The following ARID3A variants were observed in gnomAD, a reference collection of about 807,000 sequenced individuals.
ARID3A encodes AT-rich interactive domain-containing protein 3A.
In ARID3A, 11 loss-of-function variants were observed where a neutral mutation model predicts 52.7. The ratio of observed to expected loss-of-function variants is 0.21; its 90% confidence interval spans 0.13 to 0.35. ARID3A has a LOEUF of 0.35. Among genes scored for constraint, ARID3A ranks in the 10% least tolerant of loss-of-function variants. The probability of loss-of-function intolerance (pLI) is 1.00; values close to 1 mark genes in which losing one functional copy is unlikely to be tolerated. For synonymous variants in ARID3A, 404 were observed against 359.4 expected (o/e 1.12, Z -1.40); for missense variants, 721 against 838.5 (o/e 0.86, Z 1.73).
chr19:964,577 G>T lies in ARID3A; in HGVS notation c.950+146G>T. The T allele has an allele frequency of 2.4e-6, 3 of 1,252,210 alleles. No individual in the cohort carries two copies. The highest frequency in any genetic ancestry group is 3.1e-5 in the South Asian group (2 of 64,820). 77.6% of individuals were successfully genotyped at this position (1,252,210 alleles called of 1,614,324 possible). ...CAAAGGGCACAGGGCCACACCGTGC[G>T]TCCAGGGCCCGAGAGCGTCAAGTAG... On this transcript the variant is annotated intron_variant, in intron 5 of 8. Coordinates refer to ENST00000263620, the MANE Select transcript of ARID3A (RefSeq NM_005224.3). The surrounding 1 kb of genome is among the most constrained non-coding windows in gnomAD (Gnocchi z 5.7).
At chr19:931,997 T>C (rs1032484488) in intron 2 of ARID3A, among the ~76,000 whole-genome samples, 2 of 151,212 alleles carry the variant, frequency 1.3e-5, no homozygotes, top group Non-Finnish European at 2.9e-5. Context: ...GCCGTAATGA[T>C]TCCCTTTTTT....
At position 934,251 on chromosome 19, in the gene ARID3A, G is replaced by A. The variant is rs533899733; in HGVS notation, c.693+1509G>A. On this transcript the variant is annotated intron_variant, in intron 3 of 8. Coordinates refer to ENST00000263620, the MANE Select transcript of ARID3A (RefSeq NM_005224.3). ...AGTCGGTCCTTCGGGGGTCAGAGGT[G>A]AATGGGACCCCCTGACCCTGGACAC... 2.6e-5 allele frequency among the ~76,000 whole-genome samples: 4 copies of A among 152,246 alleles called. No individual in the cohort carries two copies. In the South Asian group the frequency reaches 8.3e-4, roughly 32 times the overall value.
rs184604840 is a variant in ARID3A, at chr19:947,007, C to T, written c.694-13085C>T. Among the ~76,000 whole-genome samples, 702 of 150,152 alleles carry T rather than the reference C, an allele frequency of 4.7e-3. 1 individual carries two copies. The highest frequency in any genetic ancestry group is 7.4e-3 in the Admixed American group (112 of 15,060). On this transcript the variant is annotated intron_variant, in intron 3 of 8. Transcript: ENST00000263620. This position sits in a 1 kb window ranked among gnomAD's most constrained non-coding sequence, Gnocchi z 6.3. The stretch of plus-strand genomic sequence containing the variant: ...ACAGGGTTTTGTCATATTGCCCAGG[C>T]GGGTCTCAAACTCCTGGGCTCGAGC...
intron 3 of ARID3A, among the ~76,000 whole-genome samples, chr19:948,511 C>T (rs1000707056): frequency 1.2e-4 from 18 of 152,164 alleles, no homozygotes; most frequent in South Asian, 4.1e-4. Context: ...AACTGAGGCC[C>T]GGAGAATGGG....
chr19:932,195 G>A (rs1003226947), intron 2 of ARID3A, among the ~76,000 whole-genome samples: 3 of 152,138 alleles, frequency 2.0e-5, no homozygotes, highest in Non-Finnish European at 4.4e-5. Context: ...CAAAATTCAC[G>A]CTGTAGGGAC....
chr19:941,043 G>A lies in ARID3A; in HGVS notation c.693+8301G>A, dbSNP rs2037539531. 1.3e-5 allele frequency among the ~76,000 whole-genome samples: 2 copies of A among 152,038 alleles called. No homozygotes were observed. Among genetic ancestry groups the A allele is most frequent in the South Asian group, 4.1e-4 (2 of 4,834 alleles). On this transcript the variant is annotated intron_variant, in intron 3 of 8. Coordinates refer to ENST00000263620, the MANE Select transcript of ARID3A (RefSeq NM_005224.3). The surrounding 1 kb of genome is among the most constrained non-coding windows in gnomAD (Gnocchi z 6.9). ...GCCACCGCCTGGCCGTCGGGTCACC[G>A]CCGCGGGGTCACCGCCGCCGCGGCC...
intron 8 of ARID3A, chr19:968,836 CT>C (rs1423969012): frequency 5.3e-6 from 1 of 189,810 alleles, no homozygotes; most frequent in African/African-American, 2.4e-5. Flanking sequence ...TTTTGTTGCT[CT>C]TTAAATTTTA....
chr19:929,484 GGT>G lies in ARID3A; in HGVS notation c.-43_-42del. The stretch of plus-strand genomic sequence containing the variant: ...CCCGCCGCCCACCCCTAGCGCCCGT[GGT>G]GGTGGTGGTGGTGGTGGTGGTGGTG... On this transcript the variant is annotated 5_prime_UTR_variant, in exon 2 of 9. Transcript: ENST00000263620. This position sits in a 1 kb window ranked among gnomAD's most constrained non-coding sequence, Gnocchi z 6.2. 5 of 1,079,738 alleles carry G rather than the reference GGT, an allele frequency of 4.6e-6. No individual in the cohort carries two copies. Among genetic ancestry groups the G allele is most frequent in the Non-Finnish European group, 6.0e-6 (5 of 829,162 alleles). The allele number at this position is 1,079,738 out of a possible 1,614,324, so 66.9% of individuals were successfully genotyped here. A position where few individuals can be genotyped will look rare whatever the true frequency, so the allele number is the denominator to read the frequency against.
At chr19:969,173 G>A (rs2038226237) in intron 8 of ARID3A, among the ~76,000 whole-genome samples, 1 of 151,946 alleles carries the variant, frequency 6.6e-6, no homozygotes, top group Non-Finnish European at 1.5e-5. Context: ...TATATTTATG[G>A]GTTTTATGAG....
At chr19:939,546 G>A (rs894073496) in intron 3 of ARID3A, among the ~76,000 whole-genome samples, 2 of 152,146 alleles carry the variant, frequency 1.3e-5, no homozygotes, top group Admixed American at 1.3e-4. Context: ...TGTTCTCCAG[G>A]CCTTTCTCTG....
intron 8 of ARID3A, chr19:968,754 C>T (rs773529270): frequency 1.6e-5 from 6 of 380,246 alleles, no homozygotes; most frequent in Non-Finnish European, 2.4e-5. Flanking sequence ...GGTTCACATT[C>T]CTAGTTTTTT....
intron 3 of ARID3A, among the ~76,000 whole-genome samples, chr19:934,906 C>T (rs1160400519): frequency 1.3e-5 from 2 of 152,230 alleles, no homozygotes; most frequent in Non-Finnish European, 2.9e-5. Context: ...CGGTGCCCAG[C>T]CAGTCCTGGG....
chr19:973,722 C>T lies in ARID3A; in HGVS notation c.*1657C>T. On this transcript the variant is annotated 3_prime_UTR_variant, in exon 9 of 9. Coordinates refer to ENST00000263620, the MANE Select transcript of ARID3A (RefSeq NM_005224.3). Reference sequence around the variant, plus strand: ...CTTTTGTGCTGGGGCTGCGAGCTCCCCGAGTTCTGCGGTGACTAAATCGAG... The same window carrying T: ...CTTTTGTGCTGGGGCTGCGAGCTCCTCGAGTTCTGCGGTGACTAAATCGAG... 4.4e-6 allele frequency: 1 copy of T among 227,802 alleles called. No individual in the cohort carries two copies. The allele number at this position is 227,802 out of a possible 1,614,324, so 14.1% of individuals were successfully genotyped here. A position where few individuals can be genotyped will look rare whatever the true frequency, so the allele number is the denominator to read the frequency against.
intron 3 of ARID3A, among the ~76,000 whole-genome samples, chr19:933,857 G>T (rs983932646): frequency 2.6e-5 from 3 of 114,716 alleles, no homozygotes; most frequent in East Asian, 2.1e-4. Context: ...GGGGGGGGGG[G>T]GCGTCTCGCT....
At chr19:934,058 ATTAAT>A (rs1366536607) in intron 3 of ARID3A, among the ~76,000 whole-genome samples, 1 of 152,166 alleles carries the variant, frequency 6.6e-6, no homozygotes, top group Non-Finnish European at 1.5e-5. Context: ...CTTTAATTTC[ATTAAT>A]TTAATTCACC....
intron 3 of ARID3A, chr19:958,205 A>C (rs912008133): frequency 6.6e-6 from 1 of 151,794 alleles, no homozygotes; most frequent in Admixed American, 6.6e-5. Context: ...AGACTGAGGC[A>C]GTCGGATCAC....
chr19:966,572 A>C lies in ARID3A; in HGVS notation c.1199A>C (p.Glu400Ala). The stretch of plus-strand genomic sequence containing the variant: ...CCAATTCCCCTTTTTTCCTACCTAG[A>C]GGAGGACTCAGCCATCCCCATCACA... ...SITPAPKIKKEEDSAIPITVP... is the reference protein window; with the variant it reads ...SITPAPKIKKAEDSAIPITVP... Residue 400 changes from glutamate (E) to alanine (A), a missense_variant and splice_region_variant, in exon 7 of 9, where the codon GAG becomes GCG. Coordinates refer to ENST00000263620, the MANE Select transcript of ARID3A (RefSeq NM_005224.3). The C allele has an allele frequency of 6.5e-7, 1 of 1,538,198 alleles. No individual in the cohort carries two copies. The highest frequency in any genetic ancestry group is 8.8e-7 in the Non-Finnish European group (1 of 1,139,542).
In ARID3A at chr19:975,388, G is replaced by A. The variant is rs2038359337; in HGVS notation, c.*3323G>A. 4.3e-6 allele frequency: 1 copy of A among 231,746 alleles called. No homozygotes were observed. Among genetic ancestry groups the A allele is most frequent in the South Asian group, 1.8e-4 (1 of 5,510 alleles). The allele number at this position is 231,746 out of a possible 1,614,324, so 14.4% of individuals were successfully genotyped here. ...GGCACGGGGGGCAGCTGGGGTCGTT[G>A]TTAAGGGTCACGCATCTGTACAGTT... On this transcript the variant is annotated 3_prime_UTR_variant, in exon 9 of 9. Coordinates refer to ENST00000263620, the MANE Select transcript of ARID3A (RefSeq NM_005224.3).
chr19:933,894 T>A (rs1017476372), intron 3 of ARID3A, among the ~76,000 whole-genome samples: 1 of 150,256 alleles, frequency 6.7e-6, no homozygotes, highest in Non-Finnish European at 1.5e-5. Flanking sequence ...GTGACTCAGT[T>A]TCCCACTCCT....
Sources: gnomAD v4.1 joint callset for allele counts (sites outside exome capture counted in the v4.1 genomes callset) on GRCh38, gnomAD v4.1.1 for gene constraint, Gnocchi (gnomAD v3.1) non-coding constraint, MANE v1.5 for transcripts, NCBI Gene and HGNC (gene_info 2026-07-23, HGNC 2026-07-21) for gene names.